The following CNOT8 variants were observed in gnomAD, a reference collection of about 807,000 sequenced individuals.
CNOT8 encodes CAF1-like protein.
CNOT8 carries 18 observed loss-of-function variants against 34.6 expected under a neutral mutation model. The ratio of observed to expected loss-of-function variants is 0.52; its 90% CI spans 0.36 to 0.77. CNOT8 has a LOEUF of 0.77. Among genes scored for constraint, CNOT8 ranks in the 30% least tolerant of loss-of-function variants. The pLI, the probability that CNOT8 is intolerant of heterozygous loss-of-function variation, is 0.00. For synonymous variants in CNOT8, 101 were observed against 118.8 expected, an observed-to-expected ratio of 0.85 and a Z score of 0.98; for missense variants, 189 against 347.9, an observed-to-expected ratio of 0.54 and a Z score of 3.63.
intron 3 of CNOT8, among the ~76,000 whole-genome samples, chr5:154,868,269 T>C (rs1193244068): frequency 5.0e-5 from 2 of 39,630 alleles, no homozygotes; most frequent in African/African-American, 1.6e-4. Flanking sequence ...TTTTCTTTTC[T>C]TTTTTTTTTT....
intron 2 of CNOT8, among the ~76,000 whole-genome samples, chr5:154,864,107 T>C (rs114345026): frequency 0.011 from 1,745 of 152,308 alleles, 33 homozygotes; most frequent in African/African-American, 0.04. Flanking sequence ...ACTATTTTCA[T>C]ACCTAGCTGA....
At chr5:154,860,980 T>G (rs1761283079) in intron 1 of CNOT8, among the ~76,000 whole-genome samples, 1 of 152,206 alleles carries the variant, frequency 6.6e-6, no homozygotes, top group Admixed American at 6.5e-5. Context: ...TCAGGAGTGA[T>G]ACACCCACTT....
intron 6 of CNOT8, among the ~76,000 whole-genome samples, chr5:154,873,279 C>T (rs963915492): frequency 6.6e-6 from 1 of 152,178 alleles, no homozygotes; most frequent in East Asian, 1.9e-4. Flanking sequence ...TTCTGCATGT[C>T]ACATGTTTGA....
At chr5:154,863,473 C>CG in intron 2 of CNOT8, 78 bp downstream of exon 2, 1 of 1,022,092 alleles carries the variant, frequency 9.8e-7, no homozygotes, top group Non-Finnish European at 1.5e-6. Context: ...GGCTGGAGTG[C>CG]GGTGGCTATT....
chr5:154,866,726 A>T (rs1179104027), intron 3 of CNOT8, among the ~76,000 whole-genome samples: 1 of 152,128 alleles, frequency 6.6e-6, no homozygotes, highest in East Asian at 1.9e-4. Context: ...CAGCCTGGCC[A>T]ATGTGGTGAA....
At position 154,865,241 on chromosome 5, in the gene CNOT8, G is replaced by A. The variant is rs1026909104; in HGVS notation, c.167G>A (p.Ser56Asn). The stretch of plus-strand genomic sequence containing the variant: ...GTGCGACCAATTGGTGAATTTCGTA[G>A]TTCCATAGATTACCAATATCAGCTT... ...VVVRPIGEFR[S>N]SIDYQYQLLR... is the part of the protein sequence containing the mutation. Residue 56 changes from serine to asparagine, a missense_variant, in exon 3 of 7, where the codon AGT (serine) becomes AAT (asparagine). Around this residue, in one of 2 missense-constraint regions of CNOT8, gnomAD observed 160 missense variants for 321.9 expected, o/e 0.50. Transcript: ENST00000285896. 3.1e-6 allele frequency: 5 copies of A among 1,609,354 alleles called. No individual in the cohort carries two copies. Among genetic ancestry groups the A allele is most frequent in the Non-Finnish European group, 4.2e-6 (5 of 1,178,914 alleles).
At position 154,875,653 on chromosome 5, in the gene CNOT8, C is replaced by A. The variant is rs573703487; in HGVS notation, c.*214C>A. On this transcript the variant is annotated 3_prime_UTR_variant, in exon 7 of 7. Transcript: ENST00000285896. ...TGCTCTGAATTTGTAAATAAGTCTT[C>A]CCCATTCCTCATACTCGAGCCTCTC... is the stretch of plus-strand genomic sequence containing the variant. The A allele has an allele frequency of 7.8e-6, 4 of 514,888 alleles. No homozygotes were observed. The highest frequency in any genetic ancestry group is 5.8e-5 in the African/African-American group (3 of 51,624). 31.9% of individuals were successfully genotyped at this position (514,888 alleles called of 1,614,324 possible). A position where few individuals can be genotyped will look rare whatever the true frequency, so the allele number is the denominator to read the frequency against.
intron 2 of CNOT8, among the ~76,000 whole-genome samples, chr5:154,864,458 A>C (rs79425083): frequency 0.016 from 2,074 of 130,932 alleles, 40 homozygotes; most frequent in African/African-American, 0.062. Flanking sequence ...ACTCCGTCCC[A>C]AAAAAAAAAA....
chr5:154,871,473 T>C (rs1025955862), intron 4 of CNOT8, among the ~76,000 whole-genome samples: 2 of 151,048 alleles, frequency 1.3e-5, no homozygotes, highest in African/African-American at 4.9e-5. Context: ...GCAGGGATAA[T>C]TGCTTGAACC....
At chr5:154,875,173 T>C in intron 6 of CNOT8, 117 bp from the exon 7 acceptor site, 2 of 1,174,050 alleles carry the variant, frequency 1.7e-6, no homozygotes, top group South Asian at 1.4e-5. Flanking sequence ...CGCCTCAGCC[T>C]CACAAAGTGC....
intron 3 of CNOT8, among the ~76,000 whole-genome samples, chr5:154,870,220 G>A (rs1279797308): frequency 7.7e-6 from 1 of 130,308 alleles, no homozygotes; most frequent in Non-Finnish European, 1.5e-5. Flanking sequence ...ATCTTTGTTT[G>A]TGTGTGTGTG....
At chr5:154,859,008 ATCC>A (rs1450349443) in intron 1 of CNOT8, among the ~76,000 whole-genome samples, 1 of 152,180 alleles carries the variant, frequency 6.6e-6, no homozygotes, top group Admixed American at 6.5e-5. Context: ...TTCTACTCCA[ATCC>A]TCCGAGGTGC....
chr5:154,858,401 C>T (rs1341407282), upstream of CNOT8: 1 of 152,270 alleles, frequency 6.6e-6, no homozygotes, highest in Non-Finnish European at 1.5e-5. Context: ...ACTTCTGCTC[C>T]TGCGCGCTGC....
Position 154,863,243 on chromosome 5 carries a change from T to C in CNOT8, c.-36T>C, listed in dbSNP as rs749804364. The C allele has an allele frequency of 1.4e-6, 2 of 1,462,790 alleles. No homozygotes were observed. The highest frequency in any genetic ancestry group is 1.9e-6 in the Non-Finnish European group (2 of 1,042,016). The allele number at this position is 1,462,790 out of a possible 1,614,324, so 90.6% of individuals were successfully genotyped here. ...CATTGTCTGGCTTGCACTGTAAAAC[T>C]AGTTAGCTGAAGACGACTTCTCAGG... On this transcript the variant is annotated 5_prime_UTR_variant, in exon 2 of 7. Transcript: ENST00000285896.
At chr5:154,873,712 G>A (rs779067093) in intron 6 of CNOT8, among the ~76,000 whole-genome samples, 10 of 152,194 alleles carry the variant, frequency 6.6e-5, no homozygotes, top group Non-Finnish European at 1.3e-4. Flanking sequence ...AACTAAGATT[G>A]TAGAGAGGGA....
At chr5:154,861,626 C>T (rs1261746584) in intron 1 of CNOT8, among the ~76,000 whole-genome samples, 3 of 152,222 alleles carry the variant, frequency 2.0e-5, no homozygotes, top group Admixed American at 2.0e-4. Flanking sequence ...TACATTAGAG[C>T]CCACTATTGT....
rs566404623 is a variant in CNOT8, at chr5:154,861,521, A to G, written c.-72-1686A>G. On this transcript the variant is annotated intron_variant, in intron 1 of 6. Transcript: ENST00000285896. ...CAGATTCTCATTGTTGCATCTGCCA[A>G]TCTTGAAAATAGGAAGCAAAGATTT... 7.2e-5 allele frequency among the ~76,000 whole-genome samples: 11 copies of G among 152,326 alleles called. No homozygotes were observed. In the South Asian group the frequency reaches 8.3e-4, roughly 11 times the overall value.
At chr5:154,867,793 G>T (rs1021559533) in intron 3 of CNOT8, 6 of 177,756 alleles carry the variant, frequency 3.4e-5, no homozygotes, top group African/African-American at 1.4e-4. Flanking sequence ...GAAATACGAG[G>T]TAAAGAGAAA....
At chr5:154,860,479 T>G (rs181882777) in intron 1 of CNOT8, among the ~76,000 whole-genome samples, 15 of 152,282 alleles carry the variant, frequency 9.9e-5, no homozygotes, top group Non-Finnish European at 2.1e-4. Context: ...GCTAAGTTTT[T>G]GTACTTTTTG....
Sources: gnomAD v4.1 joint callset for allele counts (sites outside exome capture counted in the v4.1 genomes callset) on GRCh38, gnomAD v4.1.1 for gene constraint, gnomAD v4.1.1 regional missense constraint, MANE v1.5 for transcripts, NCBI Gene and HGNC (gene_info 2026-07-23, HGNC 2026-07-21) for gene names.